The following PAH variants were observed in gnomAD, a reference collection of about 807,000 sequenced individuals.
The protein encoded by PAH is phenylalanine hydroxylase, also known as phenylalanine-4-hydroxylase.
A neutral mutation model predicts 62.0 loss-of-function variants in PAH; 64 were observed. That is an observed-to-expected ratio of 1.03 (90% CI 0.84 to 1.27). The LOEUF is 1.27. Ranked by LOEUF, PAH falls within the 50% of genes most tolerant of loss-of-function variation. PAH has a pLI of 0.00. For synonymous variants in PAH, 195 were observed against 196.2 expected, an observed-to-expected ratio of 0.99 and a Z score of 0.05; for missense variants, 579 against 542.8, an observed-to-expected ratio of 1.07 and a Z score of -0.66.
chr12:102,887,199 G>A (rs970383032), intron 3 of PAH, among the ~76,000 whole-genome samples: 3 of 151,434 alleles, frequency 2.0e-5, no homozygotes, highest in Non-Finnish European at 4.4e-5. Flanking sequence ...GAAGAAAGAA[G>A]GAAGCAAGGA....
chr12:102,905,385 C>T (rs1162739525), intron 2 of PAH, among the ~76,000 whole-genome samples: 1 of 152,130 alleles, frequency 6.6e-6, no homozygotes, highest in Admixed American at 6.5e-5. Flanking sequence ...GACAGGGTAC[C>T]AAGATCTACC....
Position 102,843,774 on chromosome 12 carries a change from G to A in PAH, c.1071C>T (p.Cys357=), listed in dbSNP as rs766107583. The change falls in exon 11 of 13, where the codon TGC becomes TGT. Residue 357 remains cysteine, a synonymous_variant. Coordinates refer to ENST00000553106, the MANE Select transcript of PAH (RefSeq NM_000277.3). ...GGAGAAGCTTTGGCTTCTCTGATAA[G>A]CAGTACTGTAGGCCCCAAGTGAAAA... ...LLSSFGELQY[C]LSEKPKLLPL... 2.5e-6 allele frequency: 4 copies of A among 1,613,724 alleles called. No homozygotes were observed. The highest frequency in any genetic ancestry group is 1.1e-5 in the South Asian group (1 of 91,084).
intron 2 of PAH, among the ~76,000 whole-genome samples, chr12:102,910,501 G>C (rs1878163101): frequency 6.6e-6 from 1 of 151,860 alleles, no homozygotes; most frequent in African/African-American, 2.4e-5. Flanking sequence ...CTCCCAAATA[G>C]GTGGGACTAC....
intron 1 of PAH, chr12:102,945,856 C>T (rs1000123121): frequency 2.6e-5 from 4 of 152,186 alleles, no homozygotes; most frequent in African/African-American, 4.8e-5. Context: ...CTCTGTTTCT[C>T]AAGCAGAAGG....
chr12:102,945,476 C>T (rs748091165), intron 1 of PAH, among the ~76,000 whole-genome samples: 1 of 152,214 alleles, frequency 6.6e-6, no homozygotes, highest in African/African-American at 2.4e-5. Context: ...ACCTGGTGCT[C>T]TCTTTTACTG....
intron 1 of PAH, among the ~76,000 whole-genome samples, chr12:102,929,581 G>A (rs1046110219): frequency 3.3e-5 from 5 of 152,110 alleles, no homozygotes; most frequent in African/African-American, 1.2e-4. Flanking sequence ...CTTGAAGTGT[G>A]TAATCAGAGG....
chr12:102,939,742 G>T (rs1879225332), intron 1 of PAH, among the ~76,000 whole-genome samples: 1 of 152,188 alleles, frequency 6.6e-6, no homozygotes, highest in Non-Finnish European at 1.5e-5. Context: ...CAGTGCTTAT[G>T]CTTTTCTCTG....
chr12:102,929,190 T>A (rs1006264431), intron 1 of PAH, among the ~76,000 whole-genome samples: 1 of 152,198 alleles, frequency 6.6e-6, no homozygotes, highest in Admixed American at 6.5e-5. Context: ...ACCTCTTTCC[T>A]TTATTAATTA....
chr12:102,847,193 G>A (rs1874890304), intron 8 of PAH: 2 of 541,288 alleles, frequency 3.7e-6, no homozygotes, highest in South Asian at 4.2e-5. Flanking sequence ...AGGAAATTGA[G>A]GCACAGAGAA....
chr12:102,872,773 G>A (rs1227908123), intron 4 of PAH, among the ~76,000 whole-genome samples: 2 of 152,126 alleles, frequency 1.3e-5, no homozygotes, highest in Non-Finnish European at 2.9e-5. Context: ...TTTGAGACCA[G>A]CTTGGCCAAC....
chr12:102,953,553 G>A (rs1879829023), upstream of PAH: 1 of 152,176 alleles, frequency 6.6e-6, no homozygotes, highest in Admixed American at 6.5e-5. Flanking sequence ...TCTGATCTCA[G>A]GGCAGCAGAC....
At position 102,839,465 on chromosome 12, in the gene PAH, C is replaced by A. The variant is rs139617578; in HGVS notation, c.1316-247G>T. ...CTTCCCAGGGAAGGACTTAACAGGT[C>A]TCTCCCCAGGCAAATCATTAGCTGT... On this transcript the variant is annotated intron_variant, in intron 12 of 12. Coordinates refer to ENST00000553106, the MANE Select transcript of PAH (RefSeq NM_000277.3). 3.4e-3 allele frequency among the ~76,000 whole-genome samples: 516 copies of A among 152,324 alleles called. 7 individuals are homozygous for A. Among genetic ancestry groups the A allele is most frequent in the African/African-American group, 0.012 (492 of 41,576 alleles).
At chr12:102,913,256 T>C (rs1380821075) in intron 1 of PAH, among the ~76,000 whole-genome samples, 1 of 152,208 alleles carries the variant, frequency 6.6e-6, no homozygotes, top group African/African-American at 2.4e-5. Flanking sequence ...CTTTATCTTT[T>C]AGGAGCTCAC....
At chr12:102,915,605 C>T (rs2136731946) in intron 1 of PAH, among the ~76,000 whole-genome samples, 2 of 152,330 alleles carry the variant, frequency 1.3e-5, no homozygotes, top group Middle Eastern at 3.4e-3. Context: ...TCACTTGCTC[C>T]ATTTCTCTCC....
chr12:102,851,617 TG>T, intron 8 of PAH, 69 bp downstream of exon 8: 1 of 1,307,412 alleles, frequency 7.6e-7, no homozygotes, highest in Non-Finnish European at 1.1e-6. Flanking sequence ...GACCCCTCCC[TG>T]GGCTCAACTC....
At chr12:102,872,108 C>T (rs1353766) in intron 4 of PAH, among the ~76,000 whole-genome samples, 30,203 of 151,644 alleles carry the variant, frequency 0.2, 4,392 homozygotes, top group East Asian at 0.75. Flanking sequence ...GTTACAATCA[C>T]TTCAAAGTAG....
intron 7 of PAH, among the ~76,000 whole-genome samples, chr12:102,852,419 T>C (rs1875192592): frequency 1.3e-5 from 2 of 152,346 alleles, no homozygotes; most frequent in Middle Eastern, 3.4e-3. Flanking sequence ...TGCAATTCTC[T>C]ACCTCTACCC....
At chr12:102,890,194 A>G (rs10778209) in intron 3 of PAH, among the ~76,000 whole-genome samples, 123,068 of 152,204 alleles carry the variant, frequency 0.81, 50,478 homozygotes, top group East Asian at 0.99. Context: ...AGTGGAAAGT[A>G]GTTTAGCTTA....
At chr12:102,897,461 GTGTGTATATA>G (rs201207681) in intron 2 of PAH, among the ~76,000 whole-genome samples, 14,357 of 129,620 alleles carry the variant, frequency 0.11, 856 homozygotes, top group East Asian at 0.14. Flanking sequence ...ATGTGTGTGT[GTGTGTATATA>G]TATATATATA....
Sources: allele counts gnomAD v4.1 joint callset (sites outside exome capture counted in the v4.1 genomes callset), GRCh38; gene constraint gnomAD v4.1.1; transcripts MANE v1.5; gene names NCBI Gene and HGNC (gene_info 2026-07-23, HGNC 2026-07-21).